PPFIA2: variants seen among roughly 807,000 people sequenced by gnomAD.
PPFIA2 encodes the protein liprin-alpha-2.
Under a neutral mutation model 175.5 loss-of-function variants are expected in PPFIA2, and 46 were observed. The observed-to-expected ratio is 0.26, with a 90% CI of 0.21 to 0.34. The LOEUF (loss-of-function observed/expected upper bound fraction) is 0.34, where lower values mean the gene tolerates loss of function less well. Among genes scored for constraint, PPFIA2 ranks in the 10% least tolerant of loss-of-function variants. PPFIA2 has a pLI of 1.00. For missense variants in PPFIA2, 1,179 were observed against 1,506.1 expected, an observed-to-expected ratio of 0.78 and a Z score of 3.60; for synonymous variants, 568 against 511.4, an observed-to-expected ratio of 1.11 and a Z score of -1.49.
intron 21 of PPFIA2, among the ~76,000 whole-genome samples, chr12:81,334,341 C>T (rs10778811): frequency 0.35 from 53,475 of 151,902 alleles, 10,178 homozygotes; most frequent in East Asian, 0.54. Flanking sequence ...AAAGTGAAAA[C>T]TCCTCGATGC....
intron 4 of PPFIA2, among the ~76,000 whole-genome samples, chr12:81,555,621 T>G (rs1324487500): frequency 6.6e-6 from 1 of 152,018 alleles, no homozygotes; most frequent in Non-Finnish European, 1.5e-5. Context: ...ATTAATATTT[T>G]CACCATTTGG....
At chr12:81,573,012 TGAGAGA>T (rs143437420) in intron 4 of PPFIA2, among the ~76,000 whole-genome samples, 4 of 149,394 alleles carry the variant, frequency 2.7e-5, no homozygotes, top group Admixed American at 6.7e-5. Context: ...GTATTAATAT[TGAGAGA>T]GAGAGAGAGA....
intron 3 of PPFIA2, among the ~76,000 whole-genome samples, chr12:81,718,222 G>A (rs1261162306): frequency 1.3e-5 from 2 of 151,596 alleles, no homozygotes; most frequent in Non-Finnish European, 3.0e-5. Context: ...ATAGGTAGAG[G>A]GATTGATTAC....
chr12:81,688,802 AAT>A lies in PPFIA2; in HGVS notation c.250-11960_250-11959del, dbSNP rs3075480. ...CAAAAACAGGGCAAGTGGTTTATTA[AAT>A]ATATATATATATATATATATCTGCT... On this transcript the variant is annotated intron_variant, in intron 3 of 32. Transcript: ENST00000549396. 4.1e-3 allele frequency among the ~76,000 whole-genome samples: 582 copies of A among 140,766 alleles called. 4 individuals are homozygous for A. Among genetic ancestry groups the A allele is most frequent in the African/African-American group, 0.013 (503 of 38,924 alleles). The allele number at this position is 140,766 out of a possible 152,430, so 92.3% of individuals were successfully genotyped here. A position where few individuals can be genotyped will look rare whatever the true frequency, so the allele number is the denominator to read the frequency against.
At chr12:81,693,602 A>G (rs2075520698) in intron 3 of PPFIA2, among the ~76,000 whole-genome samples, 1 of 152,144 alleles carries the variant, frequency 6.6e-6, no homozygotes, top group Non-Finnish European at 1.5e-5. Flanking sequence ...CCTAATACAG[A>G]AAATTGGTAC....
At chr12:81,498,868 C>G (rs75297350) in intron 4 of PPFIA2, among the ~76,000 whole-genome samples, 1 of 152,144 alleles carries the variant, frequency 6.6e-6, no homozygotes, top group Non-Finnish European at 1.5e-5. Context: ...TGTGATCCCC[C>G]TGCCTTGGCC....
At chr12:81,655,983 T>C (rs1255111410) in intron 4 of PPFIA2, among the ~76,000 whole-genome samples, 4 of 152,088 alleles carry the variant, frequency 2.6e-5, no homozygotes, top group African/African-American at 7.2e-5. Flanking sequence ...ACCTACCTGG[T>C]ACACCAACTT....
intron 5 of PPFIA2, among the ~76,000 whole-genome samples, chr12:81,454,499 T>C (rs2053233034): frequency 6.6e-6 from 1 of 152,170 alleles, no homozygotes; most frequent in African/African-American, 2.4e-5. Context: ...ATGTAAAACA[T>C]TCATAAAAAC....
At chr12:81,698,675 T>G (rs1258040237) in intron 3 of PPFIA2, among the ~76,000 whole-genome samples, 1 of 152,104 alleles carries the variant, frequency 6.6e-6, no homozygotes, top group Non-Finnish European at 1.5e-5. Context: ...TGCATATATT[T>G]TGGCCATTCC....
Position 81,683,798 on chromosome 12 carries a change from G to T in PPFIA2, c.250-6954C>A, listed in dbSNP as rs573418282. On this transcript the variant is annotated intron_variant, in intron 3 of 32. Transcript: ENST00000549396. The stretch of plus-strand genomic sequence containing the variant: ...TAAAAATTAAATAAAGAAAAAAAAG[G>T]TTTATTTGGTGCAGAATTCTGAGGC... 1.4e-4 allele frequency among the ~76,000 whole-genome samples: 21 copies of T among 152,098 alleles called. 1 individual carries two copies. The highest frequency in any genetic ancestry group is 4.8e-4 in the African/African-American group (20 of 41,522).
intron 4 of PPFIA2, among the ~76,000 whole-genome samples, chr12:81,572,853 T>G (rs968475424): frequency 2.6e-5 from 4 of 151,780 alleles, no homozygotes; most frequent in Admixed American, 2.0e-4. Flanking sequence ...GTTCAGAAAA[T>G]ACGCATACAA....
intron 9 of PPFIA2, among the ~76,000 whole-genome samples, chr12:81,381,127 G>A (rs910080045): frequency 2.6e-5 from 4 of 152,066 alleles, no homozygotes; most frequent in Non-Finnish European, 5.9e-5. Flanking sequence ...TCCATTGCCA[G>A]CCTGGCTCTG....
chr12:81,546,057 G>A (rs1373368948), intron 4 of PPFIA2: 1 of 147,998 alleles, frequency 6.8e-6, no homozygotes, highest in Non-Finnish European at 1.5e-5. Flanking sequence ...CTGGGAGGCA[G>A]AGGTTGCAGT....
rs140217445 is a variant in PPFIA2, at chr12:81,467,415, G to A, written c.304-9549C>T. 5.3e-5 allele frequency among the ~76,000 whole-genome samples: 8 copies of A among 152,292 alleles called. No homozygotes were observed. The East Asian group carries it at 5.8e-4, about 11-fold the overall frequency. ...TTCTTAAACATGTCTCTGGCCAGGC[G>A]TGGTGGCTCACGCTTGTAATCCCAG... On this transcript the variant is annotated intron_variant, in intron 4 of 32. Coordinates refer to ENST00000549396, the MANE Select transcript of PPFIA2 (RefSeq NM_003625.5).
At chr12:81,739,237 A>T (rs2082037455) in intron 3 of PPFIA2, among the ~76,000 whole-genome samples, 1 of 152,070 alleles carries the variant, frequency 6.6e-6, no homozygotes, top group South Asian at 2.1e-4. Flanking sequence ...TATATTTGAC[A>T]GTTACTAAAA....
Position 81,278,502 on chromosome 12 carries a change from C to T in PPFIA2, c.3213-1088G>A, listed in dbSNP as rs149397042. ...GTTGAAGTAGCCCAGATCGTGCCAC[C>T]GCACTCCACCCTGGGCAACAGAGTG... On this transcript the variant is annotated intron_variant, in intron 27 of 32. Transcript: ENST00000549396. Among the ~76,000 whole-genome samples, 420 of 148,618 alleles carry T rather than the reference C, an allele frequency of 2.8e-3. 2 individuals carry two copies. The highest frequency in any genetic ancestry group is 8.6e-3 in the African/African-American group (343 of 40,078).
chr12:81,508,612 AATTT>A lies in PPFIA2; in HGVS notation c.304-50750_304-50747del, dbSNP rs552316260. Among the ~76,000 whole-genome samples, 476 of 147,758 alleles carry A rather than the reference AATTT, an allele frequency of 3.2e-3. 3 individuals carry two copies. Among genetic ancestry groups the A allele is most frequent in the African/African-American group, 0.011 (451 of 40,178 alleles). Reference sequence around the variant, plus strand: ...TTTCTTTTTTTTTCTCTCTTTTTAAAATTTATTTATTATTATTATACTTTAAGTT... The same window carrying A: ...TTTCTTTTTTTTTCTCTCTTTTTAAAATTTATTATTATTATACTTTAAGTT... On this transcript the variant is annotated intron_variant, in intron 4 of 32. Coordinates refer to ENST00000549396, the MANE Select transcript of PPFIA2 (RefSeq NM_003625.5).
chr12:81,394,629 G>C (rs942123909), intron 8 of PPFIA2, among the ~76,000 whole-genome samples: 6 of 151,902 alleles, frequency 3.9e-5, no homozygotes, highest in Non-Finnish European at 8.8e-5. Flanking sequence ...ACAGGGAGGG[G>C]AACATCACAC....
chr12:81,371,046 C>G (rs1174016221), intron 11 of PPFIA2, among the ~76,000 whole-genome samples: 1 of 151,788 alleles, frequency 6.6e-6, no homozygotes, highest in East Asian at 1.9e-4. Context: ...TCTATGAAAG[C>G]AAACATTTAA....
Sources: gnomAD v4.1 joint callset for allele counts (sites outside exome capture counted in the v4.1 genomes callset) on GRCh38, gnomAD v4.1.1 for gene constraint, MANE v1.5 for transcripts, NCBI Gene and HGNC (gene_info 2026-07-23, HGNC 2026-07-21) for gene names.